The following SGCZ variants were observed in gnomAD, a reference collection of about 807,000 sequenced individuals.
SGCZ encodes zeta-sarcoglycan.
In SGCZ, 40 loss-of-function variants were observed where a neutral mutation model predicts 41.3. The observed-to-expected ratio is 0.97, with a 90% CI of 0.75 to 1.26. The LOEUF is 1.26. Ranked by LOEUF, SGCZ falls within the 50% of genes most tolerant of loss-of-function variation. The probability of loss-of-function intolerance (pLI) is 0.00; values close to 1 mark genes in which losing one functional copy is unlikely to be tolerated. For synonymous variants in SGCZ, 206 were observed against 137.5 expected, an observed-to-expected ratio of 1.50 and a Z score of -3.49; for missense variants, 552 against 369.8, an observed-to-expected ratio of 1.49 and a Z score of -4.04.
chr8:14,612,513 G>A (rs773250733), intron 1 of SGCZ, among the ~76,000 whole-genome samples: 1 of 152,042 alleles, frequency 6.6e-6, no homozygotes, highest in Admixed American at 6.6e-5. Flanking sequence ...CTGTGAGAAT[G>A]GACTAATACA....
At chr8:14,698,935 C>A (rs563858030) in intron 1 of SGCZ, among the ~76,000 whole-genome samples, 1 of 151,924 alleles carries the variant, frequency 6.6e-6, no homozygotes, top group East Asian at 1.9e-4. Flanking sequence ...TGGATTCTCA[C>A]CCCAACAGAG....
intron 1 of SGCZ, among the ~76,000 whole-genome samples, chr8:14,890,820 G>A (rs1442264629): frequency 6.6e-6 from 1 of 152,160 alleles, no homozygotes; most frequent in Non-Finnish European, 1.5e-5. Flanking sequence ...TATTCATGCA[G>A]CTGATTACTT....
intron 1 of SGCZ, among the ~76,000 whole-genome samples, chr8:15,212,405 A>T (rs548496425): frequency 8.5e-5 from 13 of 152,234 alleles, no homozygotes; most frequent in African/African-American, 2.9e-4. Context: ...AAAAAATCCT[A>T]GGAGTTTAGA....
chr8:14,821,135 T>G (rs1324879937), intron 1 of SGCZ, among the ~76,000 whole-genome samples: 1 of 151,922 alleles, frequency 6.6e-6, no homozygotes, highest in African/African-American at 2.4e-5. Context: ...AAAGAAATGT[T>G]AAAACTGATG....
intron 1 of SGCZ, among the ~76,000 whole-genome samples, chr8:15,130,131 T>C (rs1807846818): frequency 6.6e-6 from 1 of 152,162 alleles, no homozygotes; most frequent in Admixed American, 6.5e-5. Flanking sequence ...CGGGAGGTTT[T>C]GGCATTTCTT....
chr8:14,345,386 T>C (rs977460170), intron 2 of SGCZ, among the ~76,000 whole-genome samples: 1 of 152,146 alleles, frequency 6.6e-6, no homozygotes, highest in Non-Finnish European at 1.5e-5. Flanking sequence ...CTGGGATATA[T>C]GTATGTCCTC....
At chr8:14,946,700 G>A (rs1160157160) in intron 1 of SGCZ, among the ~76,000 whole-genome samples, 19 of 133,110 alleles carry the variant, frequency 1.4e-4, no homozygotes, top group South Asian at 7.0e-4. Context: ...TTTTGAGATC[G>A]ACTCTTGCTT....
chr8:14,931,003 T>G (rs1350561647), intron 1 of SGCZ, among the ~76,000 whole-genome samples: 1 of 152,090 alleles, frequency 6.6e-6, no homozygotes, highest in Non-Finnish European at 1.5e-5. Context: ...CCCCAGAACT[T>G]AAAGTATAAT....
At chr8:14,649,355 T>C (rs545482566) in intron 1 of SGCZ, among the ~76,000 whole-genome samples, 232 of 152,232 alleles carry the variant, frequency 1.5e-3, no homozygotes, top group South Asian at 2.1e-3. Flanking sequence ...CTGGGTGTTT[T>C]CCAGATAATA....
At chr8:14,354,286 G>C (rs1469865577) in intron 2 of SGCZ, among the ~76,000 whole-genome samples, 1 of 151,608 alleles carries the variant, frequency 6.6e-6, no homozygotes, top group Non-Finnish European at 1.5e-5. Context: ...ATTTTTACTA[G>C]AAATAATCTG....
chr8:15,013,314 G>A (rs751561879), intron 1 of SGCZ, among the ~76,000 whole-genome samples: 11 of 152,070 alleles, frequency 7.2e-5, no homozygotes, highest in Non-Finnish European at 1.6e-4. Context: ...AAAATAAAAT[G>A]ACCTGGATAA....
chr8:14,404,615 G>T (rs1042264874), intron 2 of SGCZ, among the ~76,000 whole-genome samples: 2 of 152,088 alleles, frequency 1.3e-5, no homozygotes, highest in African/African-American at 4.8e-5. Flanking sequence ...GGTGACACTG[G>T]GAATTAATAA....
At chr8:15,080,604 TA>T (rs1231314381) in intron 1 of SGCZ, among the ~76,000 whole-genome samples, 1 of 152,038 alleles carries the variant, frequency 6.6e-6, no homozygotes, top group Non-Finnish European at 1.5e-5. Flanking sequence ...TTTATTTATT[TA>T]TTTTGAGACA....
At position 15,237,568 on chromosome 8, in the gene SGCZ, C is replaced by A. The variant is rs369941893; in HGVS notation, c.39+17G>T. 1 of 1,586,148 alleles carries A rather than the reference C, an allele frequency of 6.3e-7. No individual in the cohort carries two copies. Among genetic ancestry groups the A allele is most frequent in the South Asian group, 1.1e-5 (1 of 87,438 alleles). Reference sequence around the variant, plus strand: ...CGCCGAGAAGCGGCCGCGAAGCCCGCCCGGACCCGCACGTACCTTGAGCTC... The same window carrying A: ...CGCCGAGAAGCGGCCGCGAAGCCCGACCGGACCCGCACGTACCTTGAGCTC... On this transcript the variant is annotated intron_variant, in intron 1 of 7. Coordinates refer to ENST00000382080, the MANE Select transcript of SGCZ (RefSeq NM_139167.4).
chr8:14,604,130 A>C (rs988465571), intron 1 of SGCZ, among the ~76,000 whole-genome samples: 2 of 152,138 alleles, frequency 1.3e-5, no homozygotes, highest in Non-Finnish European at 2.9e-5. Flanking sequence ...CTATTTTAAC[A>C]TGAAAAAACA....
At chr8:14,572,125 A>T (rs1350221106) in intron 1 of SGCZ, among the ~76,000 whole-genome samples, 1 of 152,174 alleles carries the variant, frequency 6.6e-6, no homozygotes, top group Non-Finnish European at 1.5e-5. Flanking sequence ...ATTAAGATGA[A>T]ATTGCATTAA....
chr8:14,994,232 C>A (rs1802127944), intron 1 of SGCZ, among the ~76,000 whole-genome samples: 1 of 152,202 alleles, frequency 6.6e-6, no homozygotes, highest in Non-Finnish European at 1.5e-5. Context: ...CCATGGGCAT[C>A]TTCATATGTA....
chr8:14,814,766 A>T (rs891651321), intron 1 of SGCZ, among the ~76,000 whole-genome samples: 1 of 152,008 alleles, frequency 6.6e-6, no homozygotes, highest in Non-Finnish European at 1.5e-5. Context: ...ATCGGTTAAG[A>T]CTATTTCTTT....
intron 2 of SGCZ, among the ~76,000 whole-genome samples, chr8:14,366,046 A>G (rs1426013620): frequency 6.6e-6 from 1 of 152,066 alleles, no homozygotes; most frequent in Admixed American, 6.6e-5. Context: ...ACTTTCATGC[A>G]TCTTGAGTTG....
Sources: allele counts gnomAD v4.1 joint callset (sites outside exome capture counted in the v4.1 genomes callset), GRCh38; gene constraint gnomAD v4.1.1; transcripts MANE v1.5; gene names NCBI Gene and HGNC (gene_info 2026-07-23, HGNC 2026-07-21).